Variants in MARCHF7 observed in about 807,000 individuals in gnomAD.
MARCHF7 encodes the protein membrane associated ring-CH-type finger 7.
Under a neutral mutation model 76.5 loss-of-function variants are expected in MARCHF7, and 20 were observed. That is an observed-to-expected ratio of 0.26 (90% confidence interval 0.18 to 0.38). The LOEUF is 0.38. Ranked by LOEUF, MARCHF7 falls within the 10% of genes least tolerant of loss-of-function variation. MARCHF7 has a pLI of 1.00. For missense variants in MARCHF7, 797 were observed against 812.9 expected, an observed-to-expected ratio of 0.98 and a Z score of 0.24; for synonymous variants, 295 against 293.0, an observed-to-expected ratio of 1.01 and a Z score of -0.07.
chr2:159,748,232 T>G lies in MARCHF7; in HGVS notation c.942T>G (p.Ser314=), dbSNP rs1246908466. The G allele has an allele frequency of 1.2e-6, 2 of 1,613,964 alleles. No homozygotes were observed. Among genetic ancestry groups the G allele is most frequent in the South Asian group, 1.1e-5 (1 of 91,076 alleles). Residue 314 remains serine (S), a synonymous_variant, in exon 7 of 12, where the codon TCT becomes TCG. Transcript: ENST00000409175. ...LNTRSLNSEN[S]YVSPRILTAS... is the part of the protein sequence containing the mutation. ...CAAGATCATTGAATTCTGAAAATTC[T>G]TACGTTTCTCCAAGAATCTTGACAG...
chr2:159,767,868 GAA>G lies in MARCHF7; in HGVS notation c.*527_*528del, dbSNP rs945150120. On this transcript the variant is annotated 3_prime_UTR_variant, in exon 12 of 12. Coordinates refer to ENST00000409175, the MANE Select transcript of MARCHF7 (RefSeq NM_001282805.2). ...AAAAAGAATGGGGAGAAGGTTATGA[GAA>G]GAGCATTATTAAGTTTCCAAATTTA... The G allele has an allele frequency of 6.6e-6, 1 of 152,402 alleles. No individual in the cohort carries two copies. The highest frequency in any genetic ancestry group is 1.5e-5 in the Non-Finnish European group (1 of 67,968). 9.4% of individuals were successfully genotyped at this position (152,402 alleles called of 1,614,324 possible).
chr2:159,758,205 A>G (rs140740711), intron 8 of MARCHF7, among the ~76,000 whole-genome samples: 1 of 152,236 alleles, frequency 6.6e-6, no homozygotes, highest in Non-Finnish European at 1.5e-5. Flanking sequence ...AAACAAAGGA[A>G]AAGGCAGAAA....
At chr2:159,713,649 A>G (rs1700596563) in intron 1 of MARCHF7, among the ~76,000 whole-genome samples, 1 of 152,210 alleles carries the variant, frequency 6.6e-6, no homozygotes, top group Non-Finnish European at 1.5e-5. Context: ...GTGTAACTAG[A>G]TCTTTTACTT....
intron 8 of MARCHF7, among the ~76,000 whole-genome samples, chr2:159,756,765 G>A (rs1043691562): frequency 7.9e-5 from 12 of 151,242 alleles, no homozygotes; most frequent in Admixed American, 6.6e-4. Flanking sequence ...CTAGGGTTGG[G>A]CCTCAGTTCC....
chr2:159,751,699 A>G (rs1185072378), intron 7 of MARCHF7, among the ~76,000 whole-genome samples: 1 of 152,202 alleles, frequency 6.6e-6, no homozygotes, highest in African/African-American at 2.4e-5. Flanking sequence ...AATTTTAACA[A>G]CTACTTACCT....
intron 6 of MARCHF7, among the ~76,000 whole-genome samples, chr2:159,746,559 G>A (rs1704919375): frequency 6.6e-6 from 1 of 152,166 alleles, no homozygotes; most frequent in African/African-American, 2.4e-5. Context: ...ATGCCACCAT[G>A]CCCAGCTAAT....
At chr2:159,754,755 T>A (rs1706081583) in intron 8 of MARCHF7, among the ~76,000 whole-genome samples, 1 of 152,182 alleles carries the variant, frequency 6.6e-6, no homozygotes, top group African/African-American at 2.4e-5. Context: ...AGTGTTGATA[T>A]GGGTGTTGAT....
intron 8 of MARCHF7, among the ~76,000 whole-genome samples, chr2:159,758,797 G>C (rs1706646009): frequency 6.6e-6 from 1 of 152,214 alleles, no homozygotes; most frequent in Non-Finnish European, 1.5e-5. Flanking sequence ...TGTGAGGTAT[G>C]TGTTGTCACA....
chr2:159,761,406 C>CTTTTTTTTTTTTT lies in MARCHF7; in HGVS notation c.1894-1461_1894-1449dup, dbSNP rs747902045. On this transcript the variant is annotated intron_variant, in intron 9 of 11. Coordinates refer to ENST00000409175, the MANE Select transcript of MARCHF7 (RefSeq NM_001282805.2). ...ACAATAATTATTAAGTGAATCATTT[C>CTTTTTTTTTTTTT]TTTTTTTTTTTTTTTTTTTTTTTTT... Among the ~76,000 whole-genome samples the CTTTTTTTTTTTTT allele has an allele frequency of 7.3e-4, 54 of 73,778 alleles. 5 individuals are homozygous for CTTTTTTTTTTTTT. Among genetic ancestry groups the CTTTTTTTTTTTTT allele is most frequent in the Non-Finnish European group, 1.0e-3 (43 of 42,074 alleles). 48.4% of individuals were successfully genotyped at this position (73,778 alleles called of 152,430 possible).
chr2:159,735,371 TATTA>T (rs931069625), intron 4 of MARCHF7, among the ~76,000 whole-genome samples: 5 of 152,240 alleles, frequency 3.3e-5, no homozygotes, highest in African/African-American at 1.2e-4. Flanking sequence ...GAAATGACTT[TATTA>T]AGTTGTAATT....
At chr2:159,755,063 G>A (rs1706121865) in intron 8 of MARCHF7, among the ~76,000 whole-genome samples, 1 of 152,104 alleles carries the variant, frequency 6.6e-6, no homozygotes, top group Non-Finnish European at 1.5e-5. Context: ...ATATGATGAA[G>A]GGAGTTAAGG....
At chr2:159,713,115 T>A (rs373517075) in intron 1 of MARCHF7, among the ~76,000 whole-genome samples, 1 of 152,226 alleles carries the variant, frequency 6.6e-6, no homozygotes, top group African/African-American at 2.4e-5. Context: ...GGTAGCCCCT[T>A]AGATTCGGCC....
intron 4 of MARCHF7, among the ~76,000 whole-genome samples, chr2:159,742,644 T>C (rs988731498): frequency 1.3e-5 from 2 of 152,024 alleles, no homozygotes; most frequent in African/African-American, 4.8e-5. Context: ...GAACAAAGAC[T>C]AAAGAAGAAC....
intron 11 of MARCHF7, among the ~76,000 whole-genome samples, chr2:159,766,289 C>T (rs982708663): frequency 1.3e-5 from 2 of 152,064 alleles, no homozygotes; most frequent in Admixed American, 1.3e-4. Context: ...TAAAACTTAA[C>T]AGTAGAGTTT....
chr2:159,763,804 T>G (rs551035381), intron 10 of MARCHF7, among the ~76,000 whole-genome samples: 1 of 152,162 alleles, frequency 6.6e-6, no homozygotes, highest in Non-Finnish European at 1.5e-5. Flanking sequence ...CCTTCTAAAT[T>G]AGTAAAAAAT....
At chr2:159,743,928 G>C (rs957266877) in intron 5 of MARCHF7, among the ~76,000 whole-genome samples, 2 of 138,474 alleles carry the variant, frequency 1.4e-5, no homozygotes, top group Non-Finnish European at 3.1e-5. Flanking sequence ...AACAAATACA[G>C]AAACTCTTGA....
intron 3 of MARCHF7, among the ~76,000 whole-genome samples, chr2:159,727,457 G>A (rs1401399772): frequency 6.6e-6 from 1 of 152,026 alleles, no homozygotes; most frequent in African/African-American, 2.4e-5. Context: ...GCGTGGTGGC[G>A]GGAGCCTGTA....
chr2:159,715,286 C>T (rs1700903445), intron 2 of MARCHF7, among the ~76,000 whole-genome samples: 1 of 151,906 alleles, frequency 6.6e-6, no homozygotes, highest in African/African-American at 2.4e-5. Flanking sequence ...TAATATACAG[C>T]ATTTGCTAAT....
rs1166593446 is a variant in MARCHF7, at chr2:159,769,650, A to G, written c.*2308A>G. The G allele has an allele frequency of 2.0e-5, 3 of 151,754 alleles. No homozygotes were observed. The allele number at this position is 151,754 out of a possible 1,614,324, so 9.4% of individuals were successfully genotyped here. A position where few individuals can be genotyped will look rare whatever the true frequency, so the allele number is the denominator to read the frequency against. ...AGCACAGTGAGACTCCATCATATAT[A>G]TATATATAGCACTTCATTACCAGAG... On this transcript the variant is annotated 3_prime_UTR_variant, in exon 12 of 12. Transcript: ENST00000409175.
Sources: gnomAD v4.1 joint callset for allele counts (sites outside exome capture counted in the v4.1 genomes callset) on GRCh38, gnomAD v4.1.1 for gene constraint, MANE v1.5 for transcripts, NCBI Gene and HGNC (gene_info 2026-07-23, HGNC 2026-07-21) for gene names.